The following PCDHA2 variants were observed in gnomAD, a reference collection of about 807,000 sequenced individuals.
PCDHA2 encodes the protein protocadherin alpha-2.
A neutral mutation model predicts 66.0 loss-of-function variants in PCDHA2; 58 were observed. That is an observed-to-expected ratio of 0.88 (90% CI 0.71 to 1.09). The LOEUF is 1.09. Ranked by LOEUF, PCDHA2 falls within the 50% of genes least tolerant of loss-of-function variation. The pLI is 0.00. For synonymous variants in PCDHA2, 634 were observed against 554.0 expected, an observed-to-expected ratio of 1.14 and a Z score of -2.03; for missense variants, 1,267 against 1,242.3, an observed-to-expected ratio of 1.02 and a Z score of -0.30.
At chr5:140,860,143 GTA>G (rs1352808505) in intron 1 of PCDHA2, 2 of 148,758 alleles carry the variant, frequency 1.3e-5, no homozygotes, top group Non-Finnish European at 3.0e-5. Flanking sequence ...GTATATATAT[GTA>G]TATATGTGTA....
chr5:140,801,969 G>T (rs1762821998), intron 1 of PCDHA2: 1 of 1,614,032 alleles, frequency 6.2e-7, no homozygotes, highest in Non-Finnish European at 8.5e-7. Context: ...TGCACCAAAT[G>T]GTACCCTAGT....
intron 1 of PCDHA2, chr5:140,870,487 T>A: frequency 6.2e-7 from 1 of 1,614,204 alleles, no homozygotes. Flanking sequence ...GTACACCGTG[T>A]TCGTGAAGGA....
Position 140,822,919 on chromosome 5 carries a change from G to T in PCDHA2, c.2388+25567G>T. Reference sequence around the variant, plus strand: ...GTCTGACCGTGACTCAGGTGCCAACGGGCAGGTGACCTGCTCCCTAATGCC... The same window carrying T: ...GTCTGACCGTGACTCAGGTGCCAACTGGCAGGTGACCTGCTCCCTAATGCC... On this transcript the variant is annotated intron_variant, in intron 1 of 3. Coordinates refer to ENST00000526136, the MANE Select transcript of PCDHA2 (RefSeq NM_018905.3). 1 of 1,614,230 alleles carries T rather than the reference G, an allele frequency of 6.2e-7. No individual in the cohort carries two copies. Among genetic ancestry groups the T allele is most frequent in the Non-Finnish European group, 8.5e-7 (1 of 1,180,044 alleles).
chr5:140,873,012 T>G (rs542650049), intron 1 of PCDHA2, among the ~76,000 whole-genome samples: 1 of 152,192 alleles, frequency 6.6e-6, no homozygotes. Context: ...TTCTTCATAT[T>G]TAGTTATTCT....
intron 1 of PCDHA2, among the ~76,000 whole-genome samples, chr5:140,954,220 T>C (rs782685715): frequency 2.0e-5 from 3 of 152,240 alleles, no homozygotes; most frequent in African/African-American, 4.8e-5. Context: ...GTTTTTGCTA[T>C]TGTGAATAGT....
chr5:140,935,828 A>G (rs1365293166), intron 1 of PCDHA2, among the ~76,000 whole-genome samples: 1 of 152,004 alleles, frequency 6.6e-6, no homozygotes, highest in Non-Finnish European at 1.5e-5. Context: ...GTATTTACAC[A>G]TATTCCATAC....
chr5:140,802,155 G>A (rs782459087), intron 1 of PCDHA2: 69 of 1,614,074 alleles, frequency 4.3e-5, no homozygotes, highest in Non-Finnish European at 5.3e-5. Context: ...TGAAATCCAG[G>A]TAGAAGCCAC....
Position 140,829,328 on chromosome 5 carries a change from C to G in PCDHA2, c.2388+31976C>G, listed in dbSNP as rs2150165969. 2.5e-6 allele frequency: 4 copies of G among 1,614,244 alleles called. No individual in the cohort carries two copies. In the Admixed American group the frequency reaches 6.7e-5, roughly 27 times the overall value. ...CTACTCGTTGGTGCTGGACAGTGCC[C>G]TGGACCGCGAGAGCGTGTCGGCCTA... On this transcript the variant is annotated intron_variant, in intron 1 of 3. Coordinates refer to ENST00000526136, the MANE Select transcript of PCDHA2 (RefSeq NM_018905.3).
At chr5:140,818,063 C>A (rs1766273892) in intron 1 of PCDHA2, among the ~76,000 whole-genome samples, 1 of 152,130 alleles carries the variant, frequency 6.6e-6, no homozygotes, top group Admixed American at 6.6e-5. Context: ...TTTAATCTCG[C>A]TTGCAGTTTT....
At chr5:140,975,027 C>G (rs1235916815) in intron 1 of PCDHA2, among the ~76,000 whole-genome samples, 1 of 152,082 alleles carries the variant, frequency 6.6e-6, no homozygotes, top group Non-Finnish European at 1.5e-5. Flanking sequence ...GCTGTGTTGT[C>G]CTTTGCAGGC....
At chr5:140,843,013 A>C in intron 1 of PCDHA2, 1 of 1,595,130 alleles carries the variant, frequency 6.3e-7, no homozygotes, top group South Asian at 1.1e-5. Context: ...ACGCGCCGGC[A>C]CTGCTGGAGC....
intron 1 of PCDHA2, chr5:140,966,401 C>G (rs1218132824): frequency 2.5e-6 from 1 of 404,878 alleles, no homozygotes; most frequent in African/African-American, 2.1e-5. Flanking sequence ...CACTTCGGCG[C>G]GGAATCAGAG....
intron 1 of PCDHA2, among the ~76,000 whole-genome samples, chr5:140,799,492 CT>C (rs1554120951): frequency 6.6e-6 from 1 of 152,002 alleles, no homozygotes; most frequent in Non-Finnish European, 1.5e-5. Context: ...TAGGTCCATG[CT>C]TTTCAGAAAT....
At chr5:140,803,147 G>A in intron 1 of PCDHA2, 1 of 1,613,888 alleles carries the variant, frequency 6.2e-7, no homozygotes, top group Admixed American at 1.7e-5. Context: ...TACTGGTGCT[G>A]GTGAAGGACC....
At position 140,828,215 on chromosome 5, in the gene PCDHA2, G is replaced by C. The variant is rs2150152436; in HGVS notation, c.2388+30863G>C. On this transcript the variant is annotated intron_variant, in intron 1 of 3. Coordinates refer to ENST00000526136, the MANE Select transcript of PCDHA2 (RefSeq NM_018905.3). Reference sequence around the variant, plus strand: ...CTCCGTACCCGAGGAGGCCAAACACGGCACCTTCGTGGGCCGGATCGCGCA... The same window carrying C: ...CTCCGTACCCGAGGAGGCCAAACACCGCACCTTCGTGGGCCGGATCGCGCA... The C allele has an allele frequency of 6.2e-6, 10 of 1,613,898 alleles. No individual in the cohort carries two copies. In the African/African-American group the frequency reaches 1.1e-4, roughly 17 times the overall value.
At chr5:140,926,584 C>A in intron 1 of PCDHA2, 1 of 285,402 alleles carries the variant, frequency 3.5e-6, no homozygotes, top group Non-Finnish European at 6.4e-6. Context: ...GCACCTCTCG[C>A]GCCCGGGCGG....
At chr5:140,821,261 AT>A (rs1766930813) in intron 1 of PCDHA2, among the ~76,000 whole-genome samples, 1 of 152,196 alleles carries the variant, frequency 6.6e-6, no homozygotes. Flanking sequence ...CTTAAAAGTT[AT>A]TTTTATCAGT....
Position 140,796,539 on chromosome 5 carries a change from C to G in PCDHA2, c.1575C>G (p.His525Gln), listed in dbSNP as rs1183970604. Residue 525 changes from histidine (H) to glutamine (Q), a missense_variant, in exon 1 of 4, where the codon CAC becomes CAG. His to Gln is a conservative substitution (Grantham distance 24). Coordinates refer to ENST00000526136, the MANE Select transcript of PCDHA2 (RefSeq NM_018905.3). ...GKVYALQPLD[H>Q]EEVELLQFQV... Reference sequence around the variant, plus strand: ...TGTACGCGCTGCAGCCGCTGGACCACGAGGAAGTGGAGCTGCTGCAGTTCC... The same window carrying G: ...TGTACGCGCTGCAGCCGCTGGACCAGGAGGAAGTGGAGCTGCTGCAGTTCC... 1.9e-6 allele frequency: 3 copies of G among 1,612,776 alleles called. No individual in the cohort carries two copies. Among genetic ancestry groups the G allele is most frequent in the African/African-American group, 1.3e-5 (1 of 74,898 alleles).
rs150698374 is a variant in PCDHA2 at position 140,841,827 on chromosome 5, C to A, written c.2388+44475C>A. The A allele has an allele frequency of 1.2e-3, 1,964 of 1,613,914 alleles. 22 individuals are homozygous for A. Among genetic ancestry groups the A allele is most frequent in the Non-Finnish European group, 7.1e-4 (841 of 1,179,854 alleles). ...GATGTTGGAGCTAACTCCGTGTTAA[C>A]CTACAGGCTTAGCTCTCATGATTAC... On this transcript the variant is annotated intron_variant, in intron 1 of 3. Transcript: ENST00000526136.
Sources: gnomAD v4.1 joint callset for allele counts (sites outside exome capture counted in the v4.1 genomes callset) on GRCh38, gnomAD v4.1.1 for gene constraint, MANE v1.5 for transcripts, NCBI Gene and HGNC (gene_info 2026-07-23, HGNC 2026-07-21) for gene names.